The following METTL15 variants were observed in gnomAD, a reference collection of about 807,000 sequenced individuals.
The protein encoded by METTL15 is 12S rRNA N(4)-cytidine methyltransferase METTL15.
Under a neutral mutation model 38.3 loss-of-function variants are expected in METTL15, and 34 were observed. The ratio of observed to expected loss-of-function variants is 0.89; its 90% CI spans 0.68 to 1.18. The LOEUF (loss-of-function observed/expected upper bound fraction) is 1.18. METTL15 is among the 50% of genes most tolerant of loss of function. The pLI is 0.00. For missense variants in METTL15, 438 were observed against 498.4 expected (o/e 0.88, Z 1.15); for synonymous variants, 162 against 170.9 (o/e 0.95, Z 0.41).
rs1424497969 is a variant in METTL15 at position 28,156,193 on chromosome 11, A to G, written c.270+42589A>G. Among the ~76,000 whole-genome samples the G allele has an allele frequency of 4.6e-5, 7 of 152,310 alleles. No homozygotes were observed. The South Asian group carries it at 8.3e-4, about 18-fold the overall frequency. ...GTCACCTCATAAAAAAATATCATTC[A>G]TCCCTTGGTCTTTACAGAAGACATG... On this transcript the variant is annotated intron_variant, in intron 3 of 6. Coordinates refer to ENST00000407364, the MANE Select transcript of METTL15 (RefSeq NM_001113528.2).
At chr11:28,265,958 C>T (rs1057298346) in intron 4 of METTL15, among the ~76,000 whole-genome samples, 1 of 152,174 alleles carries the variant, frequency 6.6e-6, no homozygotes, top group African/African-American at 2.4e-5. Flanking sequence ...GCTATCCCTT[C>T]CCCCCACCAG....
intron 6 of METTL15, among the ~76,000 whole-genome samples, chr11:28,323,681 G>A (rs1170742649): frequency 3.9e-5 from 6 of 152,170 alleles, no homozygotes; most frequent in Non-Finnish European, 8.8e-5. Context: ...AAAAGATGAT[G>A]GCTTGGACAA....
intron 5 of METTL15, among the ~76,000 whole-genome samples, chr11:28,366,228 A>G (rs1850184418): frequency 6.7e-6 from 1 of 148,858 alleles, no homozygotes; most frequent in Non-Finnish European, 1.5e-5. Flanking sequence ...GGAGCAACTC[A>G]GTGACTCAGT....
chr11:28,476,805 A>G (rs1176092136), intron 6 of METTL15, among the ~76,000 whole-genome samples: 1 of 152,132 alleles, frequency 6.6e-6, no homozygotes, highest in South Asian at 2.1e-4. Flanking sequence ...AGTTCAACCA[A>G]TGACTCTTAG....
chr11:28,142,795 A>T (rs888756795), intron 3 of METTL15, among the ~76,000 whole-genome samples: 3 of 152,192 alleles, frequency 2.0e-5, no homozygotes, highest in Non-Finnish European at 2.9e-5. Context: ...TAACTAGATT[A>T]GATAGATATT....
At position 28,113,405 on chromosome 11, in the gene METTL15, C is replaced by T; in HGVS notation, c.71C>T (p.Pro24Leu). 5.0e-6 allele frequency: 8 copies of T among 1,594,528 alleles called. No homozygotes were observed. The highest frequency in any genetic ancestry group is 6.8e-6 in the Non-Finnish European group (8 of 1,169,810). Residue 24 changes from proline to leucine, a missense_variant, in exon 3 of 7, where the codon CCT becomes CTT. Transcript: ENST00000407364. ...CLSCWLESGI[P>L]NLGVWPNRIH... is the part of the protein sequence containing the mutation. Reference sequence around the variant, plus strand: ...TCATGTTGGTTGGAATCTGGCATACCTAATTTAGGTGTCTGGCCAAACAGA... The same window carrying T: ...TCATGTTGGTTGGAATCTGGCATACTTAATTTAGGTGTCTGGCCAAACAGA...
chr11:28,288,312 G>C (rs1856369921), intron 4 of METTL15, among the ~76,000 whole-genome samples: 1 of 152,050 alleles, frequency 6.6e-6, no homozygotes, highest in Non-Finnish European at 1.5e-5. Flanking sequence ...GCCACCACTG[G>C]GTATATACCC....
intron 6 of METTL15, among the ~76,000 whole-genome samples, chr11:28,297,974 A>G (rs189071808): frequency 6.6e-6 from 1 of 152,210 alleles, no homozygotes; most frequent in Admixed American, 6.6e-5. Flanking sequence ...GTTTTATGAT[A>G]TAATTAAATA....
intron 6 of METTL15, among the ~76,000 whole-genome samples, chr11:28,323,152 C>G (rs1849526250): frequency 6.6e-6 from 1 of 152,030 alleles, no homozygotes; most frequent in South Asian, 2.1e-4. Context: ...GTGACATTAA[C>G]TATTGACTTC....
chr11:28,392,496 T>A (rs1369888674), intron 5 of METTL15, among the ~76,000 whole-genome samples: 2 of 152,114 alleles, frequency 1.3e-5, no homozygotes, highest in Non-Finnish European at 2.9e-5. Context: ...AAAGATAGTC[T>A]CTTCAACAAA....
chr11:28,191,913 A>G (rs1851713788), intron 3 of METTL15, among the ~76,000 whole-genome samples: 1 of 151,740 alleles, frequency 6.6e-6, no homozygotes, highest in Admixed American at 6.6e-5. Flanking sequence ...TGAGGTTAAT[A>G]TTTTAATAAT....
Position 28,330,757 on chromosome 11 carries a change from G to T in METTL15, c.1140G>T (p.Lys380Asn). The change falls in exon 7 of 7, where the codon AAG becomes AAT. Residue 380 changes from lysine (K) to asparagine (N), a missense_variant. Physicochemically the swap from Lys to Asn is moderately conservative, Grantham distance 94. Coordinates refer to ENST00000407364, the MANE Select transcript of METTL15 (RefSeq NM_001113528.2). Reference sequence around the variant, plus strand: ...CTTTAATGTGGGAATTGATACACAAGAAGGTACTTAGTCCACAAGATCAGG... The same window carrying T: ...CTTTAATGTGGGAATTGATACACAATAAGGTACTTAGTCCACAAGATCAGG... ...RAPLMWELIH[K>N]KVLSPQDQDV... The T allele has an allele frequency of 1.3e-6, 2 of 1,551,760 alleles. No homozygotes were observed. The highest frequency in any genetic ancestry group is 1.7e-6 in the Non-Finnish European group (2 of 1,146,866).
At chr11:28,170,825 C>A (rs1850830554) in intron 3 of METTL15, among the ~76,000 whole-genome samples, 1 of 152,092 alleles carries the variant, frequency 6.6e-6, no homozygotes, top group South Asian at 2.1e-4. Context: ...TTTATTGCAA[C>A]CTGTTTTATC....
chr11:28,136,304 A>G (rs897956135), intron 3 of METTL15, among the ~76,000 whole-genome samples: 4 of 152,126 alleles, frequency 2.6e-5, no homozygotes, highest in African/African-American at 9.7e-5. Context: ...TACTGTTCTC[A>G]TAGTAGTAAG....
intron 3 of METTL15, among the ~76,000 whole-genome samples, chr11:28,133,030 A>G (rs1849389628): frequency 1.3e-5 from 2 of 152,178 alleles, no homozygotes; most frequent in African/African-American, 4.8e-5. Context: ...ACAAAGTAAA[A>G]AGTATTAATT....
intron 5 of METTL15, among the ~76,000 whole-genome samples, chr11:28,388,523 A>G (rs1850465120): frequency 6.6e-6 from 1 of 152,194 alleles, no homozygotes; most frequent in South Asian, 2.1e-4. Flanking sequence ...CTTTACACTG[A>G]AAACTACAAA....
At chr11:28,286,090 A>G (rs1296994523) in intron 4 of METTL15, among the ~76,000 whole-genome samples, 1 of 152,172 alleles carries the variant, frequency 6.6e-6, no homozygotes, top group Non-Finnish European at 1.5e-5. Context: ...TATTTCAAGG[A>G]GTTAACTCAC....
intron 5 of METTL15, among the ~76,000 whole-genome samples, chr11:28,397,883 T>A (rs977598950): frequency 6.6e-6 from 1 of 152,134 alleles, no homozygotes; most frequent in Non-Finnish European, 1.5e-5. Context: ...ATGTGGCACA[T>A]ATACACCATG....
chr11:28,311,474 C>T (rs1857302895), intron 6 of METTL15, among the ~76,000 whole-genome samples: 1 of 152,188 alleles, frequency 6.6e-6, no homozygotes, highest in African/African-American at 2.4e-5. Context: ...CTTCATTATA[C>T]TTTGTCTACC....
Sources: gnomAD v4.1 joint callset for allele counts (sites outside exome capture counted in the v4.1 genomes callset) on GRCh38, gnomAD v4.1.1 for gene constraint, MANE v1.5 for transcripts, NCBI Gene and HGNC (gene_info 2026-07-23, HGNC 2026-07-21) for gene names.